CAPZA2: variants seen among roughly 807,000 people sequenced by gnomAD.
CAPZA2 encodes capping actin protein of muscle Z-line subunit alpha 2, also known as F-actin-capping protein subunit alpha-2.
Under a neutral mutation model 44.0 loss-of-function variants are expected in CAPZA2, and 13 were observed. The observed-to-expected ratio is 0.30, with a 90% confidence interval of 0.19 to 0.47. The LOEUF (loss-of-function observed/expected upper bound fraction) is 0.47. Ranked by LOEUF, CAPZA2 falls within the 20% of genes least tolerant of loss-of-function variation. The probability of loss-of-function intolerance (pLI) is 1.00; values close to 1 mark genes in which losing one functional copy is unlikely to be tolerated. For synonymous variants in CAPZA2, 94 were observed against 108.2 expected (o/e 0.87, Z 0.81); for missense variants, 244 against 338.6 (o/e 0.72, Z 2.19).
intron 1 of CAPZA2, chr7:116,874,483 T>C (rs532124814): frequency 1.3e-5 from 2 of 152,374 alleles, no homozygotes; most frequent in African/African-American, 4.8e-5. Context: ...TCTTTTTAGA[T>C]TCAAGATGTA....
intron 3 of CAPZA2, among the ~76,000 whole-genome samples, chr7:116,896,012 C>T (rs1796921008): frequency 6.6e-6 from 1 of 152,126 alleles, no homozygotes; most frequent in Non-Finnish European, 1.5e-5. Context: ...AGAATGTGTT[C>T]CAGTGGCAGT....
At chr7:116,895,006 A>G (rs914312915) in intron 3 of CAPZA2, among the ~76,000 whole-genome samples, 9 of 152,268 alleles carry the variant, frequency 5.9e-5, no homozygotes, top group African/African-American at 2.2e-4. Flanking sequence ...TGAGTAAATG[A>G]CCACTTGCTC....
chr7:116,878,117 C>A (rs753465527), intron 1 of CAPZA2, among the ~76,000 whole-genome samples: 4 of 152,074 alleles, frequency 2.6e-5, no homozygotes, highest in Admixed American at 2.6e-4. Flanking sequence ...ATCTTTGAGG[C>A]ATTTTGATGG....
chr7:116,894,538 G>T (rs967694189), intron 3 of CAPZA2, among the ~76,000 whole-genome samples: 1 of 152,166 alleles, frequency 6.6e-6, no homozygotes, highest in African/African-American at 2.4e-5. Context: ...TTTTTTAATT[G>T]TGGAAAAATA....
chr7:116,912,502 C>T (rs1319548443), intron 8 of CAPZA2, among the ~76,000 whole-genome samples: 2 of 152,168 alleles, frequency 1.3e-5, no homozygotes, highest in South Asian at 2.1e-4. Flanking sequence ...CCCCAGAACC[C>T]TCCCAGCCCT....
At chr7:116,892,910 T>G in intron 2 of CAPZA2, 84 bp from the exon 3 acceptor site, 2 of 849,386 alleles carry the variant, frequency 2.4e-6, no homozygotes, top group Non-Finnish European at 3.7e-6. Flanking sequence ...TGGGAGGTGT[T>G]AATACATCAC....
In CAPZA2 at chr7:116,872,496, A is replaced by C. The variant is rs868504943; in HGVS notation, c.39+9846A>C. Reference sequence around the variant, plus strand: ...TCAAAATGATAATTATAAAGGAAAAAAATTTAGAGGAAAACTTATTAAAAC... The same window carrying C: ...TCAAAATGATAATTATAAAGGAAAACAATTTAGAGGAAAACTTATTAAAAC... On this transcript the variant is annotated intron_variant, in intron 1 of 9. Transcript: ENST00000361183. Among the ~76,000 whole-genome samples the C allele has an allele frequency of 1.8e-4, 28 of 152,210 alleles. 1 individual carries two copies. Among genetic ancestry groups the C allele is most frequent in the African/African-American group, 6.5e-4 (27 of 41,454 alleles).
intron 1 of CAPZA2, among the ~76,000 whole-genome samples, chr7:116,863,345 A>G (rs1796442442): frequency 6.6e-6 from 1 of 151,606 alleles, no homozygotes; most frequent in Non-Finnish European, 1.5e-5. Flanking sequence ...CCCCCTCCCC[A>G]TAGTTGTTTT....
Position 116,862,666 on chromosome 7 carries a change from G to A in CAPZA2, c.39+16G>A, listed in dbSNP as rs1796431766. The A allele has an allele frequency of 2.0e-6, 3 of 1,537,852 alleles. No homozygotes were observed. Among genetic ancestry groups the A allele is most frequent in the African/African-American group, 1.4e-5 (1 of 71,354 alleles). Reference sequence around the variant, plus strand: ...TGAAGAGAAGGTAAGAGTCGCGGGGGCGACGGCGCGGGCTGTCAGGAGCCG... The same window carrying A: ...TGAAGAGAAGGTAAGAGTCGCGGGGACGACGGCGCGGGCTGTCAGGAGCCG... On this transcript the variant is annotated intron_variant, in intron 1 of 9. Transcript: ENST00000361183.
At chr7:116,910,857 T>G (rs189278778) in intron 7 of CAPZA2, among the ~76,000 whole-genome samples, 4 of 151,364 alleles carry the variant, frequency 2.6e-5, no homozygotes, top group Admixed American at 6.6e-5. Flanking sequence ...TACAAAAAAT[T>G]ACACGTGCCT....
At chr7:116,910,917 G>A (rs1791584506) in intron 7 of CAPZA2, among the ~76,000 whole-genome samples, 2 of 150,750 alleles carry the variant, frequency 1.3e-5, no homozygotes, top group South Asian at 2.1e-4. Flanking sequence ...CTTGAACCCG[G>A]GAGGCAGAGG....
rs1159101707 is a variant in CAPZA2 at position 116,890,509 on chromosome 7, T to TAAAAA, written c.103+2332_103+2336dup. Among the ~76,000 whole-genome samples, 5 of 29,236 alleles carry TAAAAA rather than the reference T, an allele frequency of 1.7e-4. 1 individual carries two copies. Among genetic ancestry groups the TAAAAA allele is most frequent in the African/African-American group, 6.3e-4 (3 of 4,732 alleles). 19.2% of individuals were successfully genotyped at this position (29,236 alleles called of 152,430 possible). A position where few individuals can be genotyped will look rare whatever the true frequency, so the allele number is the denominator to read the frequency against. ...AACATGGTGAAACCCTGTCTCTACT[T>TAAAAA]AAAAAAAAAAAAAAAAATATATATA... On this transcript the variant is annotated intron_variant, in intron 2 of 9. Transcript: ENST00000361183.
chr7:116,895,158 G>T (rs561924347), intron 3 of CAPZA2, among the ~76,000 whole-genome samples: 29 of 152,146 alleles, frequency 1.9e-4, no homozygotes, highest in Admixed American at 9.8e-4. Context: ...TTCAAAGTAA[G>T]CTTTTCCTTT....
intron 8 of CAPZA2, among the ~76,000 whole-genome samples, chr7:116,914,113 C>T (rs1261103497): frequency 2.7e-5 from 4 of 150,462 alleles, no homozygotes; most frequent in African/African-American, 4.9e-5. Flanking sequence ...CTGCAAGCTC[C>T]GCCTCCTGGG....
intron 1 of CAPZA2, among the ~76,000 whole-genome samples, chr7:116,870,454 G>A (rs1796538097): frequency 6.6e-6 from 1 of 152,222 alleles, no homozygotes; most frequent in African/African-American, 2.4e-5. Flanking sequence ...ATGCAAAGGT[G>A]AATTGTGCTG....
At position 116,915,962 on chromosome 7, in the gene CAPZA2, G is replaced by C. The variant is rs1585016614; in HGVS notation, c.658-98G>C. The stretch of plus-strand genomic sequence containing the variant: ...ATTCTATGTCATAATTTCCTTCTGT[G>C]TTATTTATTATAACATTACATTAAC... On this transcript the variant is annotated intron_variant, in intron 8 of 9. Transcript: ENST00000361183. 3 of 812,424 alleles carry C rather than the reference G, an allele frequency of 3.7e-6. No homozygotes were observed. The East Asian group carries it at 1.0e-4, about 28-fold the overall frequency. The allele number at this position is 812,424 out of a possible 1,614,324, so 50.3% of individuals were successfully genotyped here. A position where few individuals can be genotyped will look rare whatever the true frequency, so the allele number is the denominator to read the frequency against.
chr7:116,871,010 G>A (rs756252581), intron 1 of CAPZA2, among the ~76,000 whole-genome samples: 9 of 152,152 alleles, frequency 5.9e-5, no homozygotes, highest in Non-Finnish European at 1.0e-4. Flanking sequence ...TAGCAGATAC[G>A]GAGATAGAGA....
intron 1 of CAPZA2, among the ~76,000 whole-genome samples, chr7:116,866,690 C>T (rs992252881): frequency 4.0e-4 from 61 of 152,180 alleles, no homozygotes; most frequent in Non-Finnish European, 6.8e-4. Flanking sequence ...TGGGAAAGAT[C>T]GTTTTTCTTC....
intron 1 of CAPZA2, among the ~76,000 whole-genome samples, chr7:116,879,124 C>CAAAAAAAA (rs71148337): frequency 8.6e-4 from 39 of 45,262 alleles, no homozygotes; most frequent in East Asian, 1.3e-3. Context: ...AACTCTGTCT[C>CAAAAAAAA]AAAAAAAAAA....
Sources: allele counts gnomAD v4.1 joint callset (sites outside exome capture counted in the v4.1 genomes callset), GRCh38; gene constraint gnomAD v4.1.1; transcripts MANE v1.5; gene names NCBI Gene and HGNC (gene_info 2026-07-23, HGNC 2026-07-21).